The following FAF2 variants were observed in gnomAD, a reference collection of about 807,000 sequenced individuals.
FAF2 encodes Fas associated factor family member 2.
A neutral mutation model predicts 62.3 loss-of-function variants in FAF2; 9 were observed. That is an observed-to-expected ratio of 0.14 (90% CI 0.09 to 0.25). The LOEUF is 0.25. Among genes scored for constraint, FAF2 ranks in the 10% least tolerant of loss-of-function variants. The pLI is 1.00. For synonymous variants in FAF2, 202 were observed against 198.0 expected, an observed-to-expected ratio of 1.02 and a Z score of -0.17; for missense variants, 368 against 556.2, an observed-to-expected ratio of 0.66 and a Z score of 3.40.
At chr5:176,506,740 C>T (rs1755691561) in intron 10 of FAF2, 28 bp from the exon 11 acceptor site, 9 of 1,598,792 alleles carry the variant, frequency 5.6e-6, no homozygotes, top group Non-Finnish European at 7.7e-6. Flanking sequence ...TTTCTCACCA[C>T]CCTTCTTTTT....
rs773625979 is a variant in FAF2, at chr5:176,482,714, C to G, written c.132+3458C>G. Among the ~76,000 whole-genome samples, 137 of 152,296 alleles carry G rather than the reference C, an allele frequency of 9.0e-4. 2 individuals carry two copies. Among genetic ancestry groups the G allele is most frequent in the Non-Finnish European group, 5.6e-4 (38 of 68,034 alleles). On this transcript the variant is annotated intron_variant, in intron 2 of 10. Coordinates refer to ENST00000261942, the MANE Select transcript of FAF2 (RefSeq NM_014613.3). ...TATTTTTTGTACAGATGGGGTCTCG[C>G]TGTATTGACCAGGCTGGTCTTAAAC...
At chr5:176,451,831 T>TATAC (rs1758181457) in intron 1 of FAF2, among the ~76,000 whole-genome samples, 6 of 25,972 alleles carry the variant, frequency 2.3e-4, no homozygotes, top group South Asian at 1.1e-3. Context: ...TATATATACA[T>TATAC]ATATATATAT....
intron 1 of FAF2, among the ~76,000 whole-genome samples, chr5:176,465,652 C>T (rs1232887055): frequency 6.6e-6 from 1 of 152,152 alleles, no homozygotes. Flanking sequence ...CAGTTATGAG[C>T]CACCATGCCC....
rs1383733987 is a variant in FAF2, at chr5:176,508,946, T to A, written c.*1996T>A. The A allele has an allele frequency of 6.6e-6, 1 of 152,076 alleles. No individual in the cohort carries two copies. Among genetic ancestry groups the A allele is most frequent in the Non-Finnish European group, 1.5e-5 (1 of 68,032 alleles). 9.4% of individuals were successfully genotyped at this position (152,076 alleles called of 1,614,324 possible). On this transcript the variant is annotated 3_prime_UTR_variant, in exon 11 of 11. Transcript: ENST00000261942. ...GCTAGGTACACTGTCCACACCTCTT[T>A]GGGGAAGTTACGATTTTTTTTTTCC...
chr5:176,486,305 G>T (rs72807252), intron 2 of FAF2, 50 bp from the exon 3 acceptor site: 36,699 of 1,606,292 alleles, frequency 0.023, 606 homozygotes, highest in Non-Finnish European at 0.024. Flanking sequence ...TCTTGTTGTT[G>T]GTTGATTTGA....
rs186419662 is a variant in FAF2, at chr5:176,456,637, A to T, written c.63+8167A>T. Among the ~76,000 whole-genome samples the T allele has an allele frequency of 2.0e-5, 3 of 152,058 alleles. No individual in the cohort carries two copies. In the East Asian group the frequency reaches 5.8e-4, roughly 29 times the overall value. ...AGCCACTGCACCCAGCCTCAACTGG[A>T]ATTTCTGTTCCACTGGTCTTCCCCT... On this transcript the variant is annotated intron_variant, in intron 1 of 10. Coordinates refer to ENST00000261942, the MANE Select transcript of FAF2 (RefSeq NM_014613.3).
intron 1 of FAF2, among the ~76,000 whole-genome samples, chr5:176,467,633 C>G (rs1009625988): frequency 6.6e-6 from 1 of 151,132 alleles, no homozygotes; most frequent in East Asian, 2.0e-4. Context: ...TTAATGTAAA[C>G]CAGAGTTCTA....
intron 10 of FAF2, among the ~76,000 whole-genome samples, chr5:176,502,837 C>T (rs1438915752): frequency 2.6e-5 from 4 of 151,696 alleles, no homozygotes; most frequent in Admixed American, 6.6e-5. Flanking sequence ...ATCACAAGGT[C>T]AGGAGTTCCA....
chr5:176,451,648 T>C (rs1270675792), intron 1 of FAF2, among the ~76,000 whole-genome samples: 1 of 149,042 alleles, frequency 6.7e-6, no homozygotes, highest in African/African-American at 2.5e-5. Context: ...TTTAGAAATT[T>C]ATATCCACAA....
intron 2 of FAF2, among the ~76,000 whole-genome samples, chr5:176,479,943 G>A (rs912441985): frequency 4.6e-5 from 7 of 151,970 alleles, no homozygotes; most frequent in African/African-American, 7.2e-5. Context: ...GATCCGCCCC[G>A]CTCAGCCTTC....
At chr5:176,497,252 A>G (rs1449537777) in intron 8 of FAF2, among the ~76,000 whole-genome samples, 1 of 152,178 alleles carries the variant, frequency 6.6e-6, no homozygotes, top group East Asian at 1.9e-4. Context: ...TTCGATGTAA[A>G]AAAAAAAGTG....
At chr5:176,451,867 TATACAC>T (rs1758186225) in intron 1 of FAF2, among the ~76,000 whole-genome samples, 1 of 38,082 alleles carries the variant, frequency 2.6e-5, no homozygotes, top group Non-Finnish European at 4.6e-5. Context: ...CACATATATA[TATACAC>T]ACATATATAT....
chr5:176,496,758 A>G, intron 8 of FAF2, 95 bp downstream of exon 8: 1 of 945,892 alleles, frequency 1.1e-6, no homozygotes, highest in Non-Finnish European at 1.5e-6. Flanking sequence ...TCTTCTGTGC[A>G]TCAGGCCGCT....
intron 2 of FAF2, among the ~76,000 whole-genome samples, chr5:176,482,011 A>G (rs1758789840): frequency 6.6e-6 from 1 of 151,912 alleles, no homozygotes. Flanking sequence ...CCACACCCTC[A>G]CCAACACTTG....
At chr5:176,458,824 C>A (rs114208576) in intron 1 of FAF2, among the ~76,000 whole-genome samples, 1,650 of 152,206 alleles carry the variant, frequency 0.011, 40 homozygotes, top group African/African-American at 0.038. Flanking sequence ...CTTTCTATTT[C>A]TATTCCAGTG....
rs546676774 is a variant in FAF2, at chr5:176,477,099, T to C, written c.64-2089T>C. Among the ~76,000 whole-genome samples, 537 of 145,022 alleles carry C rather than the reference T, an allele frequency of 3.7e-3. 2 individuals are homozygous for C. The highest frequency in any genetic ancestry group is 6.4e-3 in the Non-Finnish European group (426 of 66,556). On this transcript the variant is annotated intron_variant, in intron 1 of 10. Transcript: ENST00000261942. ...CTGAGATTACAGGCGTGAGCCACCGTGCCCGGCCTTTTTTTTTTTTTTTTT... is the reference window on the plus strand; with the variant it reads ...CTGAGATTACAGGCGTGAGCCACCGCGCCCGGCCTTTTTTTTTTTTTTTTT...
chr5:176,467,485 C>T (rs1411084799), intron 1 of FAF2, among the ~76,000 whole-genome samples: 1 of 152,128 alleles, frequency 6.6e-6, no homozygotes, highest in South Asian at 2.1e-4. Context: ...GCATGCACAA[C>T]CACACCTGGC....
At chr5:176,504,597 A>AT (rs1257218456) in intron 10 of FAF2, among the ~76,000 whole-genome samples, 9 of 151,900 alleles carry the variant, frequency 5.9e-5, no homozygotes, top group Non-Finnish European at 1.2e-4. Flanking sequence ...AAAAAAAGGT[A>AT]TTTTTTTCAC....
At chr5:176,488,881 C>A in intron 3 of FAF2, 70 bp from the exon 4 acceptor site, 2 of 1,256,362 alleles carry the variant, frequency 1.6e-6, no homozygotes, top group Non-Finnish European at 1.2e-6. Flanking sequence ...GTGAGAAAAT[C>A]TGACCTAGCC....
Sources: allele counts gnomAD v4.1 joint callset (sites outside exome capture counted in the v4.1 genomes callset), GRCh38; gene constraint gnomAD v4.1.1; transcripts MANE v1.5; gene names NCBI Gene and HGNC (gene_info 2026-07-23, HGNC 2026-07-21).